The following ZNF185 variants were observed in gnomAD, a reference collection of about 807,000 sequenced individuals.
The protein encoded by ZNF185 is zinc finger protein 185 with LIM domain.
A neutral mutation model predicts 58.6 loss-of-function variants in ZNF185; 56 were observed. That is an observed-to-expected ratio of 0.95 (90% CI 0.77 to 1.19). The LOEUF (loss-of-function observed/expected upper bound fraction) is 1.19, where lower values mean the gene tolerates loss of function less well. Among genes scored for constraint, ZNF185 ranks in the 50% most tolerant of loss-of-function variants. ZNF185 has a pLI of 0.00. For missense variants in ZNF185, 627 were observed against 573.5 expected (o/e 1.09, Z -0.95); for synonymous variants, 230 against 215.9 (o/e 1.07, Z -0.57).
At chrX:152,901,369 C>T in the ZNF185 span, among the ~76,000 whole-genome samples, 4 of 109,667 alleles carry the variant, frequency 3.6e-5, no homozygotes, top group Admixed American at 9.7e-5. Context: ...CCTCGTGCCT[C>T]AGCCTCCCGA....
At chrX:152,958,803 A>G (rs1319519714) in intron 16 of ZNF185, among the ~76,000 whole-genome samples, 14 of 111,717 alleles carry the variant, frequency 1.3e-4, no homozygotes, top group African/African-American at 4.6e-4. Context: ...TACTTCCAAT[A>G]AAGAAGACAA....
chrX:152,913,031 C>T (rs976577467), upstream of ZNF185, among the ~76,000 whole-genome samples: 1 of 112,687 alleles, frequency 8.9e-6, no homozygotes, highest in African/African-American at 3.2e-5. Flanking sequence ...TATGGAAGAG[C>T]CAGCTCTTGC....
At chrX:152,961,983 G>C (rs1198607001) in intron 17 of ZNF185, among the ~76,000 whole-genome samples, 1 of 112,049 alleles carries the variant, frequency 8.9e-6, no homozygotes, top group South Asian at 3.8e-4. Flanking sequence ...AAAGAAACCA[G>C]GTGCTCTGAT....
At chrX:152,922,150 G>A (rs782507713) in intron 9 of ZNF185, 23 bp from the exon 11 acceptor site, 7 of 1,181,839 alleles carry the variant, frequency 5.9e-6, no homozygotes, top group South Asian at 1.9e-5. Context: ...GACCACGAGC[G>A]CTGTTTCTCT....
Position 152,945,470 on chromosome X carries a change from G to C in ZNF185, c.1409+6G>C, listed in dbSNP as rs782013866. On this transcript the variant is annotated splice_donor_region_variant and intron_variant, in intron 16 of 22. Transcript: ENST00000449285. ...CGAGAGAGTTGTGGCAGCAGGTAAG[G>C]GCTGAGCTGCAGTGGGCTCTGCCTC... The C allele has an allele frequency of 3.4e-6, 4 of 1,192,211 alleles. No individual in the cohort carries two copies. The South Asian group carries it at 7.4e-5, about 22-fold the overall frequency.
chrX:152,949,092 G>A (rs907294358), intron 16 of ZNF185, among the ~76,000 whole-genome samples: 15 of 102,431 alleles, frequency 1.5e-4, no homozygotes, highest in Non-Finnish European at 3.1e-4. Flanking sequence ...AGAGGGAAGT[G>A]ACAATTTAGA....
intron 15 of ZNF185, among the ~76,000 whole-genome samples, chrX:152,943,109 A>T (rs955126714): frequency 1.8e-5 from 2 of 110,723 alleles, no homozygotes; most frequent in Non-Finnish European, 3.8e-5. Context: ...GGCTCAAGTG[A>T]TTCTCCTGCC....
intron 16 of ZNF185, among the ~76,000 whole-genome samples, chrX:152,954,152 CT>C (rs34539156): frequency 9.3e-6 from 1 of 107,812 alleles, no homozygotes; most frequent in Middle Eastern, 4.7e-3. Context: ...AAAAAAAAGC[CT>C]TTTTTTTTCA....
chrX:152,964,533 C>T (rs998547695), intron 18 of ZNF185, among the ~76,000 whole-genome samples: 5 of 112,103 alleles, frequency 4.5e-5, no homozygotes, highest in Non-Finnish European at 7.5e-5. Context: ...TGTGAACTAA[C>T]TGAATGAGAA....
intron 14 of ZNF185, among the ~76,000 whole-genome samples, chrX:152,937,352 G>C (rs1294017143): frequency 1.8e-5 from 2 of 111,915 alleles, no homozygotes; most frequent in African/African-American, 6.5e-5. Flanking sequence ...CCCTGTCTTG[G>C]CTGCTTAGTC....
intron 13 of ZNF185, 32 bp downstream of exon 14, chrX:152,931,808 C>T: frequency 4.4e-6 from 5 of 1,140,366 alleles, no homozygotes; most frequent in Non-Finnish European, 5.9e-6. Flanking sequence ...ACACTTCATT[C>T]CCAGAACACG....
chrX:152,970,104 C>T lies in ZNF185; in HGVS notation c.1975-339C>T, dbSNP rs149352232. 8.3e-3 allele frequency among the ~76,000 whole-genome samples: 917 copies of T among 111,094 alleles called. 13 individuals are homozygous for T. The highest frequency in any genetic ancestry group is 0.029 in the African/African-American group (877 of 30,510). ...GTAAGTGCTGCAATGCAGAACATGC[C>T]CCACTTAGCAGCTTCTCCTGAGAAC... On this transcript the variant is annotated intron_variant, in intron 21 of 22. Transcript: ENST00000449285.
At chrX:152,905,382 G>A in the ZNF185 span, among the ~76,000 whole-genome samples, 3 of 112,145 alleles carry the variant, frequency 2.7e-5, no homozygotes, top group Non-Finnish European at 5.6e-5. Context: ...GACTATCTCA[G>A]TGTCGCCCTT....
chrX:152,909,473 G>T (rs1333481542), upstream of ZNF185, among the ~76,000 whole-genome samples: 1 of 112,050 alleles, frequency 8.9e-6, no homozygotes, highest in Non-Finnish European at 1.9e-5. Context: ...GCCAGGGCGG[G>T]ATTGCGTGGG....
the ZNF185 span, among the ~76,000 whole-genome samples, chrX:152,907,737 T>C: frequency 1.8e-5 from 2 of 112,451 alleles, no homozygotes; most frequent in African/African-American, 3.2e-5. Flanking sequence ...CAGAGAGGGG[T>C]ACTGTGGAGT....
chrX:152,925,161 T>A (rs914841828), intron 11 of ZNF185, among the ~76,000 whole-genome samples: 1 of 111,263 alleles, frequency 9.0e-6, no homozygotes, highest in Non-Finnish European at 1.9e-5. Flanking sequence ...TAAAAATTAG[T>A]TGGGAGCATT....
intron 17 of ZNF185, among the ~76,000 whole-genome samples, chrX:152,962,302 T>A (rs1440369624): frequency 9.0e-6 from 1 of 110,589 alleles, no homozygotes; most frequent in Non-Finnish European, 1.9e-5. Flanking sequence ...TTTTCTTTTT[T>A]TTAAGAGGCG....
intron 16 of ZNF185, among the ~76,000 whole-genome samples, chrX:152,953,999 TC>T (rs1323176132): frequency 1.8e-5 from 2 of 111,892 alleles, no homozygotes; most frequent in Non-Finnish European, 3.8e-5. Flanking sequence ...CCTTGGCCTC[TC>T]AAAGTGCTGG....
intron 11 of ZNF185, among the ~76,000 whole-genome samples, chrX:152,927,618 T>C (rs782576570): frequency 9.0e-6 from 1 of 111,628 alleles, no homozygotes; most frequent in Non-Finnish European, 1.9e-5. Flanking sequence ...CTCCTCCTCC[T>C]CCCCCGATCT....
Sources: gnomAD v4.1 joint callset for allele counts (sites outside exome capture counted in the v4.1 genomes callset) on GRCh38, gnomAD v4.1.1 for gene constraint, MANE v1.5 for transcripts, NCBI Gene and HGNC (gene_info 2026-07-23, HGNC 2026-07-21) for gene names.